Variants in INSM1 observed in about 807,000 individuals in gnomAD.
INSM1 encodes insulinoma-associated protein 1.
A neutral mutation model predicts 21.1 loss-of-function variants in INSM1; 11 were observed. The observed-to-expected ratio is 0.52, with a 90% confidence interval of 0.33 to 0.86. INSM1 has a LOEUF of 0.86. Among genes scored for constraint, INSM1 ranks in the 40% least tolerant of loss-of-function variants. The pLI is 0.03. For missense variants in INSM1, 843 were observed against 760.1 expected, an observed-to-expected ratio of 1.11 and a Z score of -1.28; for synonymous variants, 473 against 386.1, an observed-to-expected ratio of 1.23 and a Z score of -2.64.
At position 20,369,794 on chromosome 20, in the gene INSM1, C is replaced by A. The variant is rs761658396; in HGVS notation, c.1527C>A (p.Ala509=). ...TCCTGCAGGTGCCCGTGCGCCCGGC[C>A]TGCTAGAGCGCGCCCTCCACCCCGG... The part of the protein sequence containing the change: ...VILLQVPVRP[A]C The change falls in exon 1 of 1, where the codon GCC becomes GCA. Residue 509 remains alanine, a synonymous_variant. Coordinates refer to ENST00000310227, the MANE Select transcript of INSM1 (RefSeq NM_002196.3). This position sits in a 1 kb window ranked among gnomAD's most constrained non-coding sequence, Gnocchi z 5.6. 4.4e-6 allele frequency: 7 copies of A among 1,592,126 alleles called. No homozygotes were observed. In the East Asian group the frequency reaches 1.6e-4, roughly 36 times the overall value.
chr20:20,368,555 C>G lies in INSM1; in HGVS notation c.288C>G (p.Pro96=). The G allele has an allele frequency of 7.1e-7, 1 of 1,400,592 alleles. No homozygotes were observed. Among genetic ancestry groups the G allele is most frequent in the Non-Finnish European group, 9.4e-7 (1 of 1,059,246 alleles). The allele number at this position is 1,400,592 out of a possible 1,614,324, so 86.8% of individuals were successfully genotyped here. ...AHFGNPEAAH[P]APLYSPTRPV... ...TCGGCAACCCCGAGGCTGCGCACCCCGCGCCGCTCTACAGTCCCACGCGGC... is the reference window on the plus strand; with the variant it reads ...TCGGCAACCCCGAGGCTGCGCACCCGGCGCCGCTCTACAGTCCCACGCGGC... The change falls in exon 1 of 1, where the codon CCC becomes CCG. Residue 96 remains proline (P), a synonymous_variant. Coordinates refer to ENST00000310227, the MANE Select transcript of INSM1 (RefSeq NM_002196.3). This position sits in a 1 kb window ranked among gnomAD's most constrained non-coding sequence, Gnocchi z 4.3.
At position 20,368,298 on chromosome 20, in the gene INSM1, A is replaced by C; in HGVS notation, c.31A>C (p.Lys11Gln). The C allele has an allele frequency of 7.6e-7, 1 of 1,315,932 alleles. No homozygotes were observed. The highest frequency in any genetic ancestry group is 1.5e-5 in the South Asian group (1 of 67,042). 81.5% of individuals were successfully genotyped at this position (1,315,932 alleles called of 1,614,324 possible). A position where few individuals can be genotyped will look rare whatever the true frequency, so the allele number is the denominator to read the frequency against. MPRGFLVKRS[K>Q]KSTPVSYRVR... Reference sequence around the variant, plus strand: ...CCGCGGCTTCCTGGTGAAGCGCAGCAAGAAGTCCACGCCCGTTTCCTACCG... The same window carrying C: ...CCGCGGCTTCCTGGTGAAGCGCAGCCAGAAGTCCACGCCCGTTTCCTACCG... The change falls in exon 1 of 1, where the codon AAG (lysine) becomes CAG (glutamine). Residue 11 changes from lysine to glutamine, a missense_variant. Physicochemically the swap from Lys to Gln is moderately conservative, Grantham distance 53. Transcript: ENST00000310227. This position sits in a 1 kb window ranked among gnomAD's most constrained non-coding sequence, Gnocchi z 4.3.
chr20:20,368,531 C>G lies in INSM1; in HGVS notation c.264C>G (p.Phe88Leu). The change falls in exon 1 of 1, where the codon TTC (phenylalanine) becomes TTG (leucine). Residue 88 changes from phenylalanine (F) to leucine (L), a missense_variant. Transcript: ENST00000310227. The surrounding 1 kb of genome is among the most constrained non-coding windows in gnomAD (Gnocchi z 4.3). ...CGCAGGGCCCGCGGGCCGCGCACTT[C>G]GGCAACCCCGAGGCTGCGCACCCCG... ...PPPQGPRAAH[F>L]GNPEAAHPAP... The G allele has an allele frequency of 7.6e-7, 1 of 1,310,360 alleles. No individual in the cohort carries two copies. The highest frequency in any genetic ancestry group is 9.9e-7 in the Non-Finnish European group (1 of 1,011,214). 81.2% of individuals were successfully genotyped at this position (1,310,360 alleles called of 1,614,324 possible).
chr20:20,369,580 CCGAG>C lies in INSM1; in HGVS notation c.1314_1317del (p.Glu439AlafsTer60). ...GGCGTGCTGGGCCTGAGTGCGTCCG[CCGAG>C]TGCCACCTGTGCCCAGTGTGCGGAG... On this transcript the variant is annotated frameshift_variant, in exon 1 of 1. Transcript: ENST00000310227. LOFTEE classifies it high-confidence loss of function. The surrounding 1 kb of genome is among the most constrained non-coding windows in gnomAD (Gnocchi z 5.6). 1 of 1,598,612 alleles carries C rather than the reference CCGAG, an allele frequency of 6.3e-7. No individual in the cohort carries two copies. The highest frequency in any genetic ancestry group is 8.5e-7 in the Non-Finnish European group (1 of 1,178,946).
Position 20,368,276 on chromosome 20 carries a change from C to T in INSM1, c.9C>T (p.Arg3=). 1 of 1,282,642 alleles carries T rather than the reference C, an allele frequency of 7.8e-7. No homozygotes were observed. The allele number at this position is 1,282,642 out of a possible 1,614,324, so 79.5% of individuals were successfully genotyped here. A position where few individuals can be genotyped will look rare whatever the true frequency, so the allele number is the denominator to read the frequency against. The stretch of plus-strand genomic sequence containing the variant: ...CCTCGGGCCGCGCCAACATGCCCCG[C>T]GGCTTCCTGGTGAAGCGCAGCAAGA... The part of the protein sequence containing the change: MP[R]GFLVKRSKKS... Residue 3 remains arginine (R), a synonymous_variant, in exon 1 of 1, where the codon CGC becomes CGT. Transcript: ENST00000310227. The surrounding 1 kb of genome is among the most constrained non-coding windows in gnomAD (Gnocchi z 4.3).
chr20:20,369,663 G>T lies in INSM1; in HGVS notation c.1396G>T (p.Ala466Ser), dbSNP rs1433076527. The T allele has an allele frequency of 3.7e-6, 6 of 1,600,432 alleles. No individual in the cohort carries two copies. The highest frequency in any genetic ancestry group is 5.1e-6 in the Non-Finnish European group (6 of 1,179,788). Residue 466 changes from alanine to serine, a missense_variant, in exon 1 of 1, where the codon GCC (alanine) becomes TCC (serine). Transcript: ENST00000310227. This position sits in a 1 kb window ranked among gnomAD's most constrained non-coding sequence, Gnocchi z 5.6. ...QERHLRLLHA[A>S]QVFPCKYCPA... is the part of the protein sequence containing the mutation. Reference sequence around the variant, plus strand: ...GCGCCACCTGCGCCTGCTGCACGCCGCCCAGGTGTTCCCCTGCAAGTACTG... The same window carrying T: ...GCGCCACCTGCGCCTGCTGCACGCCTCCCAGGTGTTCCCCTGCAAGTACTG...
In INSM1 at chr20:20,369,642, C is replaced by G; in HGVS notation, c.1375C>G (p.His459Asp). ...SFASKGAQER[H>D]LRLLHAAQVF... is the part of the protein sequence containing the mutation. Reference sequence around the variant, plus strand: ...CGCCAGCAAGGGCGCTCAGGAGCGCCACCTGCGCCTGCTGCACGCCGCCCA... The same window carrying G: ...CGCCAGCAAGGGCGCTCAGGAGCGCGACCTGCGCCTGCTGCACGCCGCCCA... Residue 459 changes from histidine (H) to aspartate (D), a missense_variant, in exon 1 of 1, where the codon CAC becomes GAC. Physicochemically the swap from His to Asp is moderately conservative, Grantham distance 81 (BLOSUM62 -1). Transcript: ENST00000310227. The surrounding 1 kb of genome is among the most constrained non-coding windows in gnomAD (Gnocchi z 5.6). The G allele has an allele frequency of 6.2e-7, 1 of 1,600,816 alleles. No homozygotes were observed. Among genetic ancestry groups the G allele is most frequent in the Non-Finnish European group, 8.5e-7 (1 of 1,179,770 alleles).
At position 20,369,340 on chromosome 20, in the gene INSM1, C is replaced by G; in HGVS notation, c.1073C>G (p.Ser358Cys). ...GACACGCCGAGCCCCGGCGGCGTGTCCGAGTCGGGCTCCGAGGACGGGCTC... is the reference window on the plus strand; with the variant it reads ...GACACGCCGAGCCCCGGCGGCGTGTGCGAGTCGGGCTCCGAGGACGGGCTC... ...DRDTPSPGGV[S>C]ESGSEDGLYE... Residue 358 changes from serine (S) to cysteine (C), a missense_variant, in exon 1 of 1, where the codon TCC becomes TGC. By Grantham distance (112) the Ser-to-Cys change is moderately radical. Coordinates refer to ENST00000310227, the MANE Select transcript of INSM1 (RefSeq NM_002196.3). This position sits in a 1 kb window ranked among gnomAD's most constrained non-coding sequence, Gnocchi z 5.6. 2 of 1,458,826 alleles carry G rather than the reference C, an allele frequency of 1.4e-6. No homozygotes were observed. The highest frequency in any genetic ancestry group is 1.8e-6 in the Non-Finnish European group (2 of 1,117,266). The allele number at this position is 1,458,826 out of a possible 1,614,324, so 90.4% of individuals were successfully genotyped here.
Position 20,369,543 on chromosome 20 carries a change from G to A in INSM1, c.1276G>A (p.Gly426Ser), listed in dbSNP as rs769233282. ...EKAPQEAAGD[G>S]EGAGVLGLSA... The stretch of plus-strand genomic sequence containing the variant: ...GGCGCCCCAGGAGGCGGCCGGCGAC[G>A]GCGAGGGGGCCGGCGTGCTGGGCCT... The change falls in exon 1 of 1, where the codon GGC (glycine) becomes AGC (serine). Residue 426 changes from glycine (G) to serine (S), a missense_variant. Transcript: ENST00000310227. The surrounding 1 kb of genome is among the most constrained non-coding windows in gnomAD (Gnocchi z 5.6). 8.9e-6 allele frequency: 14 copies of A among 1,571,868 alleles called. No homozygotes were observed. The highest frequency in any genetic ancestry group is 3.4e-4 in the Middle Eastern group (2 of 5,852).
In INSM1 at chr20:20,369,883, G is replaced by A. The variant is rs538544942; in HGVS notation, c.*83G>A. On this transcript the variant is annotated 3_prime_UTR_variant, in exon 1 of 1. Coordinates refer to ENST00000310227, the MANE Select transcript of INSM1 (RefSeq NM_002196.3). The surrounding 1 kb of genome is among the most constrained non-coding windows in gnomAD (Gnocchi z 5.6). Reference sequence around the variant, plus strand: ...AGTGCGCCCTGCACTCCCCGAACCCGAGTCCGCGCTGGGGGAGCCTCGCCC... The same window carrying A: ...AGTGCGCCCTGCACTCCCCGAACCCAAGTCCGCGCTGGGGGAGCCTCGCCC... 9.6e-6 allele frequency: 12 copies of A among 1,247,662 alleles called. No homozygotes were observed. The East Asian group carries it at 2.4e-4, about 25-fold the overall frequency. The allele number at this position is 1,247,662 out of a possible 1,614,324, so 77.3% of individuals were successfully genotyped here.
In INSM1 at chr20:20,369,124, A is replaced by G; in HGVS notation, c.857A>G (p.Lys286Arg). 6.3e-7 allele frequency: 1 copy of G among 1,585,906 alleles called. No individual in the cohort carries two copies. Among genetic ancestry groups the G allele is most frequent in the Non-Finnish European group, 8.5e-7 (1 of 1,171,658 alleles). ...GACCCGTTCGCGCTGGCGCAGCACAAATGCTCGCGCATCGTGCGTGTGGAG... is the reference window on the plus strand; with the variant it reads ...GACCCGTTCGCGCTGGCGCAGCACAGATGCTCGCGCATCGTGCGTGTGGAG... ...YADPFALAQH[K>R]CSRIVRVEYR... The change falls in exon 1 of 1, where the codon AAA becomes AGA. Residue 286 changes from lysine (K) to arginine (R), a missense_variant. By Grantham distance (26) the Lys-to-Arg change is conservative (BLOSUM62 2). Coordinates refer to ENST00000310227, the MANE Select transcript of INSM1 (RefSeq NM_002196.3). The surrounding 1 kb of genome is among the most constrained non-coding windows in gnomAD (Gnocchi z 5.6).
At position 20,368,574 on chromosome 20, in the gene INSM1, A is replaced by G; in HGVS notation, c.307A>G (p.Thr103Ala). The change falls in exon 1 of 1, where the codon ACG becomes GCG. Residue 103 changes from threonine (T) to alanine (A), a missense_variant. Transcript: ENST00000310227. This position sits in a 1 kb window ranked among gnomAD's most constrained non-coding sequence, Gnocchi z 4.3. ...AAHPAPLYSPTRPVSREHEKH... is the reference protein window; with the variant it reads ...AAHPAPLYSPARPVSREHEKH... The stretch of plus-strand genomic sequence containing the variant: ...GCACCCCGCGCCGCTCTACAGTCCC[A>G]CGCGGCCCGTGAGCCGCGAGCACGA... 6.9e-7 allele frequency: 1 copy of G among 1,456,036 alleles called. No homozygotes were observed. The highest frequency in any genetic ancestry group is 9.2e-7 in the Non-Finnish European group (1 of 1,091,436). 90.2% of individuals were successfully genotyped at this position (1,456,036 alleles called of 1,614,324 possible). A position where few individuals can be genotyped will look rare whatever the true frequency, so the allele number is the denominator to read the frequency against.
chr20:20,368,421 C>A lies in INSM1; in HGVS notation c.154C>A (p.Pro52Thr). The stretch of plus-strand genomic sequence containing the variant: ...CCCGGCGCCGAGCCCGGTCCCCGGG[C>A]CGCTGCCGCCGCCGCCGCCCGCGGA... ...EPPAPSPVPGPLPPPPPAERA... is the reference protein window; with the variant it reads ...EPPAPSPVPGTLPPPPPAERA... The change falls in exon 1 of 1, where the codon CCG (proline) becomes ACG (threonine). Residue 52 changes from proline (P) to threonine (T), a missense_variant. Physicochemically the swap from Pro to Thr is conservative, Grantham distance 38. Coordinates refer to ENST00000310227, the MANE Select transcript of INSM1 (RefSeq NM_002196.3). The surrounding 1 kb of genome is among the most constrained non-coding windows in gnomAD (Gnocchi z 4.3). 4.0e-6 allele frequency: 4 copies of A among 988,804 alleles called. No homozygotes were observed. The highest frequency in any genetic ancestry group is 3.6e-6 in the Non-Finnish European group (3 of 833,764). The allele number at this position is 988,804 out of a possible 1,614,324, so 61.3% of individuals were successfully genotyped here.
Position 20,368,260 on chromosome 20 carries a change from G to A in INSM1, c.-8G>A. On this transcript the variant is annotated 5_prime_UTR_variant, in exon 1 of 1. Coordinates refer to ENST00000310227, the MANE Select transcript of INSM1 (RefSeq NM_002196.3). The surrounding 1 kb of genome is among the most constrained non-coding windows in gnomAD (Gnocchi z 4.3). Reference sequence around the variant, plus strand: ...CGAGCCAGTGCCGTGCCCTCGGGCCGCGCCAACATGCCCCGCGGCTTCCTG... The same window carrying A: ...CGAGCCAGTGCCGTGCCCTCGGGCCACGCCAACATGCCCCGCGGCTTCCTG... 2.4e-6 allele frequency: 3 copies of A among 1,244,196 alleles called. No homozygotes were observed. The highest frequency in any genetic ancestry group is 3.1e-6 in the Non-Finnish European group (3 of 979,602). 77.1% of individuals were successfully genotyped at this position (1,244,196 alleles called of 1,614,324 possible). A position where few individuals can be genotyped will look rare whatever the true frequency, so the allele number is the denominator to read the frequency against.
rs1287947286 is a variant in INSM1, at chr20:20,368,310, C to A, written c.43C>A (p.Pro15Thr). 7.6e-7 allele frequency: 1 copy of A among 1,320,068 alleles called. No homozygotes were observed. The highest frequency in any genetic ancestry group is 9.8e-7 in the Non-Finnish European group (1 of 1,018,654). The allele number at this position is 1,320,068 out of a possible 1,614,324, so 81.8% of individuals were successfully genotyped here. The stretch of plus-strand genomic sequence containing the variant: ...GGTGAAGCGCAGCAAGAAGTCCACG[C>A]CCGTTTCCTACCGGGTCCGCGGCGG... ...FLVKRSKKST[P>T]VSYRVRGGED... Residue 15 changes from proline to threonine, a missense_variant, in exon 1 of 1, where the codon CCC (proline) becomes ACC (threonine). Transcript: ENST00000310227. This position sits in a 1 kb window ranked among gnomAD's most constrained non-coding sequence, Gnocchi z 4.3.
In INSM1 at chr20:20,369,608, A is replaced by G. The variant is rs770648671; in HGVS notation, c.1341A>G (p.Gly447=). 6.2e-6 allele frequency: 10 copies of G among 1,600,532 alleles called. No individual in the cohort carries two copies. Among genetic ancestry groups the G allele is most frequent in the Non-Finnish European group, 8.5e-7 (1 of 1,179,650 alleles). ...SAECHLCPVC[G]ESFASKGAQE... ...AGTGCCACCTGTGCCCAGTGTGCGG[A>G]GAGTCGTTCGCCAGCAAGGGCGCTC... Residue 447 remains glycine (G), a synonymous_variant, in exon 1 of 1, where the codon GGA becomes GGG. Transcript: ENST00000310227. This position sits in a 1 kb window ranked among gnomAD's most constrained non-coding sequence, Gnocchi z 5.6.
Position 20,369,424 on chromosome 20 carries a change from T to C in INSM1, c.1157T>C (p.Leu386Pro), listed in dbSNP as rs781528288. The C allele has an allele frequency of 6.4e-7, 1 of 1,551,366 alleles. No homozygotes were observed. The highest frequency in any genetic ancestry group is 1.2e-5 in the South Asian group (1 of 85,190). The stretch of plus-strand genomic sequence containing the variant: ...CGCCAGGCCTACCTACGCAAGCACC[T>C]GCTGGCGCACCACCAGGCGCTGCAG... The part of the protein sequence containing the change: ...FRRQAYLRKH[L>P]LAHHQALQAK... The change falls in exon 1 of 1, where the codon CTG (leucine) becomes CCG (proline). Residue 386 changes from leucine (L) to proline (P), a missense_variant. Transcript: ENST00000310227. This position sits in a 1 kb window ranked among gnomAD's most constrained non-coding sequence, Gnocchi z 5.6.
rs1376927642 is a variant in INSM1 at position 20,369,843 on chromosome 20, G to T, written c.*43G>T. ...GGCCCCCGAACTGTGCCTTCGCTTG[G>T]AGACCCACAAAGAGAGTGCGCCCTG... On this transcript the variant is annotated 3_prime_UTR_variant, in exon 1 of 1. Coordinates refer to ENST00000310227, the MANE Select transcript of INSM1 (RefSeq NM_002196.3). This position sits in a 1 kb window ranked among gnomAD's most constrained non-coding sequence, Gnocchi z 5.6. The T allele has an allele frequency of 6.5e-7, 1 of 1,539,614 alleles. No individual in the cohort carries two copies. The highest frequency in any genetic ancestry group is 1.8e-5 in the Admixed American group (1 of 54,246).
Position 20,369,553 on chromosome 20 carries a change from C to T in INSM1, c.1286C>T (p.Ala429Val). 2 of 1,580,010 alleles carry T rather than the reference C, an allele frequency of 1.3e-6. No individual in the cohort carries two copies. Among genetic ancestry groups the T allele is most frequent in the Admixed American group, 1.7e-5 (1 of 57,156 alleles). ...GAGGCGGCCGGCGACGGCGAGGGGG[C>T]CGGCGTGCTGGGCCTGAGTGCGTCC... ...PQEAAGDGEGAGVLGLSASAE... is the reference protein window; with the variant it reads ...PQEAAGDGEGVGVLGLSASAE... The change falls in exon 1 of 1, where the codon GCC (alanine) becomes GTC (valine). Residue 429 changes from alanine to valine, a missense_variant. Physicochemically the swap from Ala to Val is moderately conservative, Grantham distance 64 (BLOSUM62 0). Transcript: ENST00000310227. This position sits in a 1 kb window ranked among gnomAD's most constrained non-coding sequence, Gnocchi z 5.6.
Sources: allele counts gnomAD v4.1 joint callset, GRCh38; gene constraint gnomAD v4.1.1; non-coding constraint Gnocchi (gnomAD v3.1); transcripts MANE v1.5; gene names NCBI Gene and HGNC (gene_info 2026-07-23, HGNC 2026-07-21).